CFAP61: variants seen among roughly 807,000 people sequenced by gnomAD.
CFAP61 encodes the protein cilia- and flagella-associated protein 61.
CFAP61 carries 107 observed loss-of-function variants against 135.6 expected under a neutral mutation model. The ratio of observed to expected loss-of-function variants is 0.79; its 90% CI spans 0.67 to 0.93. CFAP61 has a LOEUF of 0.93. Ranked by LOEUF, CFAP61 falls within the 40% of genes least tolerant of loss-of-function variation. CFAP61 has a pLI of 0.00. For missense variants in CFAP61, 1,507 were observed against 1,556.2 expected, an observed-to-expected ratio of 0.97 and a Z score of 0.53; for synonymous variants, 575 against 578.5, an observed-to-expected ratio of 0.99 and a Z score of 0.09.
At chr20:20,102,443 A>G (rs915897206) in intron 8 of CFAP61, among the ~76,000 whole-genome samples, 1 of 152,204 alleles carries the variant, frequency 6.6e-6, no homozygotes, top group African/African-American at 2.4e-5. Context: ...ATTAAGTTTC[A>G]GTTGTCCATA....
chr20:20,148,201 G>C (rs930390753), intron 9 of CFAP61, among the ~76,000 whole-genome samples: 2 of 152,110 alleles, frequency 1.3e-5, no homozygotes, highest in Non-Finnish European at 2.9e-5. Flanking sequence ...CTCCAGATTT[G>C]TTCTTTTTGC....
At chr20:20,122,050 C>A (rs1347280010) in intron 8 of CFAP61, among the ~76,000 whole-genome samples, 1 of 151,902 alleles carries the variant, frequency 6.6e-6, no homozygotes, top group Non-Finnish European at 1.5e-5. Flanking sequence ...GCACCCATCA[C>A]CCAGGCAGTA....
intron 22 of CFAP61, among the ~76,000 whole-genome samples, 184 bp from the exon 23 acceptor site, chr20:20,288,425 T>C (rs1345952764): frequency 6.6e-6 from 1 of 152,246 alleles, no homozygotes; most frequent in African/African-American, 2.4e-5. Flanking sequence ...TTTGGGGATC[T>C]TAATGGGTTC....
chr20:20,287,175 A>G (rs571377172), intron 22 of CFAP61, among the ~76,000 whole-genome samples: 4 of 152,298 alleles, frequency 2.6e-5, no homozygotes, highest in South Asian at 2.1e-4. Context: ...GCCACTGGGT[A>G]AGAGTTATAA....
At chr20:20,227,511 A>G (rs542729130) in intron 17 of CFAP61, among the ~76,000 whole-genome samples, 1 of 152,340 alleles carries the variant, frequency 6.6e-6, no homozygotes, top group South Asian at 2.1e-4. Flanking sequence ...GTAAAACTTT[A>G]CTTTGCACAT....
At position 20,055,522 on chromosome 20, in the gene CFAP61, C is replaced by T. The variant is rs1345791214; in HGVS notation, c.-36-1096C>T. 2.6e-5 allele frequency among the ~76,000 whole-genome samples: 4 copies of T among 152,214 alleles called. No homozygotes were observed. The East Asian group carries it at 7.7e-4, about 29-fold the overall frequency. ...AGTGAGGTCCATTCTATCCCCAAAACCTGTGTCAGATCGGCTCACATCATT... is the reference window on the plus strand; with the variant it reads ...AGTGAGGTCCATTCTATCCCCAAAATCTGTGTCAGATCGGCTCACATCATT... On this transcript the variant is annotated intron_variant, in intron 1 of 26. Transcript: ENST00000245957.
intron 22 of CFAP61, among the ~76,000 whole-genome samples, chr20:20,283,364 A>G (rs1288830375): frequency 1.3e-5 from 2 of 152,134 alleles, no homozygotes; most frequent in Non-Finnish European, 2.9e-5. Flanking sequence ...TACTAATATG[A>G]CCATTCCATT....
chr20:20,093,108 A>G (rs868807203), intron 7 of CFAP61, among the ~76,000 whole-genome samples: 5 of 152,274 alleles, frequency 3.3e-5, no homozygotes, highest in Admixed American at 6.5e-5. Context: ...TGGTATATCC[A>G]CACAAGGGAA....
At chr20:20,155,063 G>A (rs1003351949) in intron 9 of CFAP61, among the ~76,000 whole-genome samples, 1 of 152,142 alleles carries the variant, frequency 6.6e-6, no homozygotes, top group Non-Finnish European at 1.5e-5. Flanking sequence ...CATGGTACTG[G>A]TATAAAATAG....
intron 2 of CFAP61, among the ~76,000 whole-genome samples, chr20:20,063,815 G>T (rs894841270): frequency 3.3e-5 from 5 of 152,160 alleles, no homozygotes; most frequent in African/African-American, 1.2e-4. Flanking sequence ...ATGTGAATTA[G>T]AATGAATATA....
At chr20:20,228,173 A>G (rs2048877709) in intron 17 of CFAP61, 76 bp from the exon 18 acceptor site, 7 of 1,385,624 alleles carry the variant, frequency 5.1e-6, no homozygotes, top group Admixed American at 3.6e-5. Flanking sequence ...ATAATTCTAC[A>G]TAGTTGCAAA....
intron 24 of CFAP61, among the ~76,000 whole-genome samples, chr20:20,292,957 G>A (rs73285343): frequency 0.14 from 20,539 of 152,054 alleles, 1,652 homozygotes; most frequent in Middle Eastern, 0.22. Context: ...AGAGTGTCAG[G>A]GTCATATTGC....
chr20:20,229,122 G>A (rs1184699499), intron 18 of CFAP61, among the ~76,000 whole-genome samples: 1 of 152,130 alleles, frequency 6.6e-6, no homozygotes, highest in African/African-American at 2.4e-5. Flanking sequence ...CACTAAACAA[G>A]GTTTCCTTTC....
At chr20:20,332,703 A>G (rs1040089164) in intron 25 of CFAP61, among the ~76,000 whole-genome samples, 2 of 152,106 alleles carry the variant, frequency 1.3e-5, no homozygotes, top group African/African-American at 2.4e-5. Context: ...TACAGCCTCA[A>G]ACTCGGGCTC....
intron 25 of CFAP61, chr20:20,322,601 T>C (rs957300851): frequency 2.9e-6 from 2 of 689,406 alleles, no homozygotes; most frequent in Admixed American, 6.3e-5. Context: ...GGAAGTGGTA[T>C]ATATTTGCCG....
chr20:20,288,989 C>T (rs1334935529), intron 23 of CFAP61, 53 bp downstream of exon 23: 3 of 1,417,784 alleles, frequency 2.1e-6, no homozygotes, highest in Admixed American at 1.9e-5. Flanking sequence ...AGGTATGGCT[C>T]AGCAGTCAGG....
chr20:20,138,752 G>T (rs1218034710), intron 8 of CFAP61, among the ~76,000 whole-genome samples: 2 of 152,210 alleles, frequency 1.3e-5, no homozygotes, highest in Non-Finnish European at 2.9e-5. Flanking sequence ...TGGGGAGGAT[G>T]ATTGGTGGAA....
chr20:20,187,332 G>A (rs1378032982), intron 13 of CFAP61, among the ~76,000 whole-genome samples: 1 of 152,242 alleles, frequency 6.6e-6, no homozygotes, highest in East Asian at 1.9e-4. Flanking sequence ...CAGGGTGCCA[G>A]GGGCAGGGAG....
At chr20:20,205,294 A>T (rs2056809165) in intron 17 of CFAP61, among the ~76,000 whole-genome samples, 1 of 152,174 alleles carries the variant, frequency 6.6e-6, no homozygotes, top group South Asian at 2.1e-4. Context: ...GCACATGTAA[A>T]CAGTTACTGC....
Sources: allele counts gnomAD v4.1 joint callset (sites outside exome capture counted in the v4.1 genomes callset), GRCh38; gene constraint gnomAD v4.1.1; transcripts MANE v1.5; gene names NCBI Gene and HGNC (gene_info 2026-07-23, HGNC 2026-07-21).